CACNA2D3: variants seen among roughly 807,000 people sequenced by gnomAD.
CACNA2D3 encodes voltage-dependent calcium channel subunit alpha-2/delta-3.
CACNA2D3 carries 60 observed loss-of-function variants against 160.6 expected under a neutral mutation model. That is an observed-to-expected ratio of 0.37 (90% CI 0.30 to 0.46). CACNA2D3 has a LOEUF of 0.46. Among genes scored for constraint, CACNA2D3 ranks in the 20% least tolerant of loss-of-function variants. The probability of loss-of-function intolerance (pLI) is 1.00; values close to 1 mark genes in which losing one functional copy is unlikely to be tolerated. For synonymous variants in CACNA2D3, 558 were observed against 492.9 expected (o/e 1.13, Z -1.75); for missense variants, 1,205 against 1,365.0 (o/e 0.88, Z 1.85).
chr3:54,969,851 C>G lies in CACNA2D3; in HGVS notation c.2556+7C>G, dbSNP rs377665125. 1 of 1,612,756 alleles carries G rather than the reference C, an allele frequency of 6.2e-7. No individual in the cohort carries two copies. ...CATCAGCTGTGATGATGAGGTAAGA[C>G]GGCCTCCTGGTCCTGTTTCTACCCC... On this transcript the variant is annotated splice_region_variant and intron_variant, in intron 29 of 37. Transcript: ENST00000474759.
chr3:54,423,893 ATTTTT>A (rs11336791), intron 4 of CACNA2D3, among the ~76,000 whole-genome samples: 1 of 135,374 alleles, frequency 7.4e-6, no homozygotes, highest in African/African-American at 2.7e-5. Flanking sequence ...TGAAATTCTT[ATTTTT>A]TTTTTTTTTT....
intron 33 of CACNA2D3, among the ~76,000 whole-genome samples, chr3:55,008,334 A>G (rs3912834): frequency 0.15 from 23,314 of 152,196 alleles, 1,919 homozygotes; most frequent in Middle Eastern, 0.2. Flanking sequence ...GGTTGCATCT[A>G]TGACTTAGAT....
intron 31 of CACNA2D3, among the ~76,000 whole-genome samples, chr3:54,998,260 C>A (rs570538105): frequency 2.0e-5 from 3 of 151,688 alleles, no homozygotes; most frequent in African/African-American, 7.3e-5. Context: ...CTTAGCCTGC[C>A]GAGTAGCTGG....
At chr3:54,965,568 G>A (rs556617323) in intron 27 of CACNA2D3, among the ~76,000 whole-genome samples, 1 of 152,296 alleles carries the variant, frequency 6.6e-6, no homozygotes, top group East Asian at 1.9e-4. Flanking sequence ...TGGACGTGGA[G>A]GGAGCTTAGT....
chr3:54,926,123 TC>T (rs1456511259), intron 27 of CACNA2D3, among the ~76,000 whole-genome samples: 1 of 152,164 alleles, frequency 6.6e-6, no homozygotes, highest in Non-Finnish European at 1.5e-5. Context: ...TAAGCCCTTT[TC>T]CTCACACCAT....
At chr3:54,247,050 G>A (rs879563190) in intron 2 of CACNA2D3, among the ~76,000 whole-genome samples, 10 of 152,142 alleles carry the variant, frequency 6.6e-5, no homozygotes, top group Admixed American at 1.3e-4. Context: ...GGTGGTTCAC[G>A]CCTGTAGTCC....
chr3:54,595,015 T>G (rs1702925566), intron 9 of CACNA2D3, among the ~76,000 whole-genome samples: 1 of 152,276 alleles, frequency 6.6e-6, no homozygotes, highest in Non-Finnish European at 1.5e-5. Flanking sequence ...CAACCCTATG[T>G]CATTCTTCTA....
chr3:54,705,910 G>A (rs1700848810), intron 11 of CACNA2D3, among the ~76,000 whole-genome samples: 1 of 152,190 alleles, frequency 6.6e-6, no homozygotes, highest in Admixed American at 6.5e-5. Flanking sequence ...GCCTCATAAA[G>A]TGATGATGGA....
chr3:54,343,045 C>T (rs1367369004), intron 3 of CACNA2D3, among the ~76,000 whole-genome samples: 1 of 152,228 alleles, frequency 6.6e-6, no homozygotes, highest in African/African-American at 2.4e-5. Flanking sequence ...ATTTACTGTC[C>T]TTGCTGCCCA....
At chr3:54,973,062 T>C (rs1379560701) in intron 29 of CACNA2D3, among the ~76,000 whole-genome samples, 6 of 152,080 alleles carry the variant, frequency 3.9e-5, no homozygotes, top group Non-Finnish European at 5.9e-5. Context: ...CATGCGGTAG[T>C]CAGCGAAGGC....
chr3:54,811,675 A>G (rs529240184), intron 13 of CACNA2D3, among the ~76,000 whole-genome samples: 6 of 150,682 alleles, frequency 4.0e-5, no homozygotes, highest in African/African-American at 1.5e-4. Flanking sequence ...TTTTTTTTGT[A>G]TTTTTAGTAG....
intron 11 of CACNA2D3, 115 bp from the exon 12 acceptor site, chr3:54,752,484 A>G: frequency 2.9e-6 from 2 of 689,848 alleles, no homozygotes; most frequent in Non-Finnish European, 5.3e-6. Context: ...GTTCCTGCAG[A>G]TGGGAAGCAT....
intron 9 of CACNA2D3, among the ~76,000 whole-genome samples, chr3:54,616,998 G>A (rs1019542004): frequency 6.6e-6 from 1 of 151,984 alleles, no homozygotes; most frequent in East Asian, 1.9e-4. Context: ...AAACATCCCT[G>A]GACCACCTAT....
intron 11 of CACNA2D3, among the ~76,000 whole-genome samples, chr3:54,650,912 C>T (rs1460572381): frequency 2.0e-5 from 3 of 152,248 alleles, no homozygotes; most frequent in African/African-American, 4.8e-5. Flanking sequence ...CTAAATGCTC[C>T]GTGTGTATCT....
At chr3:54,791,712 ATTAAG>A (rs1702760930) in intron 13 of CACNA2D3, among the ~76,000 whole-genome samples, 1 of 152,220 alleles carries the variant, frequency 6.6e-6, no homozygotes, top group African/African-American at 2.4e-5. Context: ...ATGGGACTTA[ATTAAG>A]TTGTCTCAAA....
At chr3:54,457,147 T>C (rs1700413279) in intron 4 of CACNA2D3, among the ~76,000 whole-genome samples, 1 of 151,990 alleles carries the variant, frequency 6.6e-6, no homozygotes, top group African/African-American at 2.4e-5. Flanking sequence ...TTGAGGTGTA[T>C]AATTAGGTTA....
chr3:54,709,356 C>G (rs564173177), intron 11 of CACNA2D3, among the ~76,000 whole-genome samples: 219 of 82,862 alleles, frequency 2.6e-3, no homozygotes, highest in Non-Finnish European at 4.8e-3. Context: ...AAAGTCCTCT[C>G]TCTCTCTCTT....
chr3:55,041,367 G>T (rs1230365158), intron 35 of CACNA2D3, among the ~76,000 whole-genome samples: 1 of 152,144 alleles, frequency 6.6e-6, no homozygotes, highest in Non-Finnish European at 1.5e-5. Flanking sequence ...GTATCATTTT[G>T]CATTTCTTCT....
At chr3:54,306,778 C>T (rs1395900094) in intron 2 of CACNA2D3, among the ~76,000 whole-genome samples, 1 of 152,154 alleles carries the variant, frequency 6.6e-6, no homozygotes, top group Non-Finnish European at 1.5e-5. Flanking sequence ...CCCAGCACAT[C>T]AGTGGTTTCT....
Sources: allele counts gnomAD v4.1 joint callset (sites outside exome capture counted in the v4.1 genomes callset), GRCh38; gene constraint gnomAD v4.1.1; transcripts MANE v1.5; gene names NCBI Gene and HGNC (gene_info 2026-07-23, HGNC 2026-07-21).